Variants in CEP131 observed in about 807,000 individuals in gnomAD.
CEP131 encodes centrosomal protein of 131 kDa.
A neutral mutation model predicts 136.8 loss-of-function variants in CEP131; 99 were observed. The observed-to-expected ratio is 0.72, with a 90% CI of 0.62 to 0.86. CEP131 has a LOEUF of 0.86. Ranked by LOEUF, CEP131 falls within the 40% of genes least tolerant of loss-of-function variation. The probability of loss-of-function intolerance (pLI) is 0.00; values close to 1 mark genes in which losing one functional copy is unlikely to be tolerated. For missense variants in CEP131, 1,459 were observed against 1,463.0 expected (o/e 1.00, Z 0.04); for synonymous variants, 646 against 612.7 (o/e 1.05, Z -0.80).
At chr17:81,210,611 A>C (rs1227006517) in intron 2 of CEP131, among the ~76,000 whole-genome samples, 1 of 152,044 alleles carries the variant, frequency 6.6e-6, no homozygotes, top group Non-Finnish European at 1.5e-5. Context: ...ATTTCAGGGG[A>C]AAGGGCTCAC....
intron 15 of CEP131, among the ~76,000 whole-genome samples, 153 bp from the exon 16 acceptor site, chr17:81,196,104 T>TG (rs989427158): frequency 6.6e-5 from 10 of 151,602 alleles, no homozygotes; most frequent in African/African-American, 2.4e-4. Context: ...CTGGGGCCAG[T>TG]GGGGGGGCAC....
At chr17:81,197,448 G>C in intron 13 of CEP131, 1 of 565,538 alleles carries the variant, frequency 1.8e-6, no homozygotes, top group Non-Finnish European at 3.1e-6. Flanking sequence ...GGCAGCTCGG[G>C]GCAGCGGGTA....
chr17:81,212,605 G>C (rs2062159045), intron 2 of CEP131, among the ~76,000 whole-genome samples: 1 of 152,152 alleles, frequency 6.6e-6, no homozygotes, highest in Non-Finnish European at 1.5e-5. Context: ...CAGAGGGGCT[G>C]TCCCAGAGCA....
chr17:81,197,025 G>A lies in CEP131; in HGVS notation c.1678C>T (p.Leu560=), dbSNP rs2061772683. The A allele has an allele frequency of 1.3e-6, 2 of 1,592,920 alleles. No individual in the cohort carries two copies. Among genetic ancestry groups the A allele is most frequent in the African/African-American group, 2.7e-5 (2 of 74,528 alleles). The change falls in exon 14 of 26, where the codon CTG becomes TTG. Residue 560 remains leucine (L), a synonymous_variant. Coordinates refer to ENST00000450824, the MANE Select transcript of CEP131 (RefSeq NM_014984.4). ...GTGCTCACCTCGGACCCCAGCTCCA[G>A]GGGCCCCGGCCCCGCCTCCGGCACC... ...GWVPEAGPGP[L]ELGSEVSTSV...
At chr17:81,195,404 G>A (rs2061732101) in intron 16 of CEP131, among the ~76,000 whole-genome samples, 1 of 152,236 alleles carries the variant, frequency 6.6e-6, no homozygotes, top group Non-Finnish European at 1.5e-5. Context: ...CCAAGCTGGT[G>A]GGAAGCATAG....
chr17:81,211,042 C>T (rs1296342089), intron 2 of CEP131, among the ~76,000 whole-genome samples: 2 of 152,204 alleles, frequency 1.3e-5, no homozygotes, highest in East Asian at 1.9e-4. Context: ...GGAAATCCCA[C>T]GAGCGCGTGG....
intron 5 of CEP131, among the ~76,000 whole-genome samples, chr17:81,204,419 C>T (rs2061960188): frequency 6.6e-6 from 1 of 152,118 alleles, no homozygotes; most frequent in Non-Finnish European, 1.5e-5. Context: ...GGGGGTTTGT[C>T]TCTGGAGAGA....
At position 81,196,632 on chromosome 17, in the gene CEP131, C is replaced by A; in HGVS notation, c.1899+69G>T. On this transcript the variant is annotated intron_variant, in intron 15 of 25. Coordinates refer to ENST00000450824, the MANE Select transcript of CEP131 (RefSeq NM_014984.4). ...GAAGAAGCTCCCTGGCAGTGGGAAG[C>A]CCCTGGCTCTGGAAGTCTCCATGAG... The A allele has an allele frequency of 3.3e-6, 5 of 1,536,874 alleles. No homozygotes were observed. The South Asian group carries it at 4.8e-5, about 15-fold the overall frequency.
At chr17:81,195,374 G>A (rs931276417) in intron 16 of CEP131, among the ~76,000 whole-genome samples, 4 of 152,248 alleles carry the variant, frequency 2.6e-5, no homozygotes, top group African/African-American at 9.6e-5. Context: ...TCCAGAACCT[G>A]GGCTCGGGAC....
rs746278057 is a variant in CEP131 at position 81,203,596 on chromosome 17, C to G, written c.527G>C (p.Gly176Ala). The G allele has an allele frequency of 2.5e-6, 4 of 1,596,546 alleles. No homozygotes were observed. The highest frequency in any genetic ancestry group is 3.4e-6 in the Non-Finnish European group (4 of 1,172,244). ...GGTGGTGACGCAGTTGCCCACTGCT[C>G]CCTTGTTGCTCCTGCCAGGCCGGAA... ...NFTANNRSNK[G>A]AVGNCVTTMV... The change falls in exon 6 of 26, where the codon GGA becomes GCA. Residue 176 changes from glycine to alanine, a missense_variant. Gly to Ala is a moderately conservative substitution (Grantham distance 60). Around this residue, in one of 3 missense-constraint regions of CEP131, gnomAD observed 246 missense variants for 318.9 expected, o/e 0.77. Coordinates refer to ENST00000450824, the MANE Select transcript of CEP131 (RefSeq NM_014984.4). This position sits in a 1 kb window ranked among gnomAD's most constrained non-coding sequence, Gnocchi z 4.6.
intron 13 of CEP131, 28 bp downstream of exon 13, chr17:81,197,684 G>T (rs915004255): frequency 5.0e-6 from 8 of 1,590,522 alleles, no homozygotes; most frequent in African/African-American, 1.3e-5. Context: ...TCCCACTGGG[G>T]GCCGGGTGCG....
At chr17:81,207,575 C>T (rs1424063849) in intron 3 of CEP131, among the ~76,000 whole-genome samples, 1 of 151,690 alleles carries the variant, frequency 6.6e-6, no homozygotes, top group African/African-American at 2.4e-5. Context: ...GTCTCGAGCT[C>T]CTGGGCTCAA....
chr17:81,218,209 A>G (rs1003343262), intron 2 of CEP131, among the ~76,000 whole-genome samples: 1 of 152,010 alleles, frequency 6.6e-6, no homozygotes, highest in Non-Finnish European at 1.5e-5. Flanking sequence ...CGCCCGGCTA[A>G]TTTTTGCATT....
intron 15 of CEP131, 103 bp downstream of exon 15, chr17:81,196,598 C>T (rs1412395400): frequency 8.4e-5 from 124 of 1,473,020 alleles, no homozygotes; most frequent in East Asian, 4.7e-4. Flanking sequence ...CGTGTGACAC[C>T]CAACAGAGGA....
Position 81,208,979 on chromosome 17 carries a change from C to T in CEP131, c.221G>A (p.Arg74Lys). The T allele has an allele frequency of 6.2e-7, 1 of 1,614,010 alleles. No homozygotes were observed. The highest frequency in any genetic ancestry group is 1.1e-5 in the South Asian group (1 of 91,074). Reference protein sequence around the residue: ...PGGSQAINNLRRSNSTTQVSQ... With the variant: ...PGGSQAINNLKRSNSTTQVSQ... Reference sequence around the variant, plus strand: ...GACCTGCGTGGTGCTGTTGGATCTTCTAAGGTTGTTGATGGCCTGGGAGCC... The same window carrying T: ...GACCTGCGTGGTGCTGTTGGATCTTTTAAGGTTGTTGATGGCCTGGGAGCC... The change falls in exon 3 of 26, where the codon AGA becomes AAA. Residue 74 changes from arginine (R) to lysine (K), a missense_variant. Transcript: ENST00000450824. This position sits in a 1 kb window ranked among gnomAD's most constrained non-coding sequence, Gnocchi z 5.6.
chr17:81,214,668 C>T (rs192545811), intron 2 of CEP131, among the ~76,000 whole-genome samples: 48 of 152,310 alleles, frequency 3.2e-4, no homozygotes, highest in Admixed American at 2.4e-3. Flanking sequence ...CTGTGCTGCA[C>T]GTGTGCCAAC....
In CEP131 at chr17:81,219,362, C is replaced by T. The variant is rs545907580; in HGVS notation, c.177+518G>A. Among the ~76,000 whole-genome samples, 20 of 148,090 alleles carry T rather than the reference C, an allele frequency of 1.4e-4. 1 individual carries two copies. The South Asian group carries it at 2.5e-3, about 19-fold the overall frequency. Reference sequence around the variant, plus strand: ...AGGCTGGAGTGCAACGGCACGATCTCGGCTCACCGCAACCTCTGCCTCCTG... The same window carrying T: ...AGGCTGGAGTGCAACGGCACGATCTTGGCTCACCGCAACCTCTGCCTCCTG... On this transcript the variant is annotated intron_variant, in intron 2 of 25. Transcript: ENST00000450824. This position sits in a 1 kb window ranked among gnomAD's most constrained non-coding sequence, Gnocchi z 4.0.
At chr17:81,199,610 C>T in intron 9 of CEP131, 61 bp from the exon 10 acceptor site, 1 of 1,590,932 alleles carries the variant, frequency 6.3e-7, no homozygotes, top group South Asian at 1.1e-5. Context: ...GCTCCACAGC[C>T]AAGCTGCCCT....
At chr17:81,209,454 G>T (rs1201597796) in intron 2 of CEP131, among the ~76,000 whole-genome samples, 3 of 152,250 alleles carry the variant, frequency 2.0e-5, no homozygotes, top group African/African-American at 7.2e-5. Context: ...CTAAGGAGAC[G>T]CAACCAAGAC....
Sources: gnomAD v4.1 joint callset for allele counts (sites outside exome capture counted in the v4.1 genomes callset) on GRCh38, gnomAD v4.1.1 for gene constraint, gnomAD v4.1.1 regional missense constraint, Gnocchi (gnomAD v3.1) non-coding constraint, MANE v1.5 for transcripts, NCBI Gene and HGNC (gene_info 2026-07-23, HGNC 2026-07-21) for gene names.